Variants in FGF10 observed in about 807,000 individuals in gnomAD.
The protein encoded by FGF10 is fibroblast growth factor 10, also known as FGF-10.
A neutral mutation model predicts 19.8 loss-of-function variants in FGF10; 2 were observed. The ratio of observed to expected loss-of-function variants is 0.10; its 90% CI spans 0.04 to 0.32. The LOEUF (loss-of-function observed/expected upper bound fraction) is 0.32, where lower values mean the gene tolerates loss of function less well. FGF10 is among the 10% of genes least tolerant of loss of function. FGF10 has a pLI of 1.00. For synonymous variants in FGF10, 112 were observed against 94.0 expected (o/e 1.19, Z -1.10); for missense variants, 191 against 246.3 (o/e 0.78, Z 1.50).
rs1236620595 is a variant in FGF10, at chr5:44,341,451, AATAG to A, written c.326-30925_326-30922del. On this transcript the variant is annotated intron_variant, in intron 1 of 2. Transcript: ENST00000264664. Reference sequence around the variant, plus strand: ...TATTATTTTATATATTCAGATAGATAATAGATAGTCTGAGCTATTTCCATAATTC... The same window carrying A: ...TATTATTTTATATATTCAGATAGATAATAGTCTGAGCTATTTCCATAATTC... 5.3e-5 allele frequency among the ~76,000 whole-genome samples: 8 copies of A among 151,892 alleles called. No individual in the cohort carries two copies. The South Asian group carries it at 6.2e-4, about 12-fold the overall frequency.
At chr5:44,340,255 G>A (rs1740938950) in intron 1 of FGF10, among the ~76,000 whole-genome samples, 1 of 152,086 alleles carries the variant, frequency 6.6e-6, no homozygotes, top group South Asian at 2.1e-4. Context: ...ACTGAAAGTA[G>A]CCCAAAGAAT....
intron 1 of FGF10, among the ~76,000 whole-genome samples, chr5:44,368,049 C>T (rs1486377854): frequency 2.0e-5 from 3 of 151,842 alleles, no homozygotes; most frequent in East Asian, 1.9e-4. Flanking sequence ...TTAATAACAA[C>T]CTATTCCAAA....
At chr5:44,386,496 C>T (rs932912037) in intron 1 of FGF10, among the ~76,000 whole-genome samples, 1 of 152,062 alleles carries the variant, frequency 6.6e-6, no homozygotes, top group African/African-American at 2.4e-5. Context: ...AGCTTCTTCC[C>T]CATCCTGCTA....
intron 1 of FGF10, among the ~76,000 whole-genome samples, chr5:44,349,586 A>T (rs75774117): frequency 0.011 from 1,646 of 147,072 alleles, 23 homozygotes; most frequent in African/African-American, 0.039. Flanking sequence ...ACTAAGTTAG[A>T]TATGGCCAAA....
chr5:44,326,654 C>T (rs1448646913), intron 1 of FGF10, among the ~76,000 whole-genome samples: 2 of 151,958 alleles, frequency 1.3e-5, no homozygotes, highest in African/African-American at 4.8e-5. Context: ...AGCAATCCTC[C>T]CATCTCAGCC....
At chr5:44,328,393 C>A (rs549022964) in intron 1 of FGF10, among the ~76,000 whole-genome samples, 1 of 152,214 alleles carries the variant, frequency 6.6e-6, no homozygotes, top group South Asian at 2.1e-4. Context: ...TTCCCTTAAC[C>A]CTTACAATTA....
chr5:44,319,857 C>T (rs1740442241), intron 1 of FGF10, among the ~76,000 whole-genome samples: 1 of 152,166 alleles, frequency 6.6e-6, no homozygotes, highest in Non-Finnish European at 1.5e-5. Context: ...AACCACTGGG[C>T]CATGGACTGG....
chr5:44,353,396 T>A (rs1433059498), intron 1 of FGF10, among the ~76,000 whole-genome samples: 1 of 151,636 alleles, frequency 6.6e-6, no homozygotes, highest in Non-Finnish European at 1.5e-5. Context: ...CTAAATGTTA[T>A]GATTTATAGC....
At chr5:44,368,955 A>C (rs1051577341) in intron 1 of FGF10, among the ~76,000 whole-genome samples, 16 of 152,296 alleles carry the variant, frequency 1.1e-4, no homozygotes, top group African/African-American at 3.8e-4. Flanking sequence ...GGTATGGGCC[A>C]CTGCTTCCAG....
intron 1 of FGF10, among the ~76,000 whole-genome samples, chr5:44,339,467 G>T (rs1279737239): frequency 6.6e-6 from 1 of 152,128 alleles, no homozygotes; most frequent in Non-Finnish European, 1.5e-5. Context: ...GCGTTCTGTT[G>T]GGGATAAGAG....
chr5:44,376,509 A>AAAAAAAAAAAAAAAAAC, intron 1 of FGF10, among the ~76,000 whole-genome samples: 1 of 141,802 alleles, frequency 7.1e-6, no homozygotes, highest in African/African-American at 2.6e-5. Flanking sequence ...AAAAAAAAAA[A>AAAAAAAAAAAAAAAAAC]AAAAAAAACA....
At position 44,304,887 on chromosome 5, in the gene FGF10, C is replaced by T; in HGVS notation, c.*108G>A. 2 of 1,107,506 alleles carry T rather than the reference C, an allele frequency of 1.8e-6. No homozygotes were observed. The highest frequency in any genetic ancestry group is 2.0e-4 in the Middle Eastern group (1 of 5,084). The allele number at this position is 1,107,506 out of a possible 1,614,324, so 68.6% of individuals were successfully genotyped here. On this transcript the variant is annotated 3_prime_UTR_variant, in exon 3 of 3. Transcript: ENST00000264664. ...GCTGGCTTTCTTTTAAGCAAGCAGA[C>T]ATCTGCAACGTGTCTTTGCCTTTCA...
At chr5:44,320,977 C>A (rs1740472002) in intron 1 of FGF10, among the ~76,000 whole-genome samples, 1 of 151,880 alleles carries the variant, frequency 6.6e-6, no homozygotes, top group Non-Finnish European at 1.5e-5. Flanking sequence ...TCCCAAAGTG[C>A]CAGTCCATTT....
At chr5:44,378,721 C>T (rs1412656606) in intron 1 of FGF10, among the ~76,000 whole-genome samples, 1 of 152,178 alleles carries the variant, frequency 6.6e-6, no homozygotes, top group Non-Finnish European at 1.5e-5. Flanking sequence ...TCAGCCACTG[C>T]GCCTGGCCGA....
At chr5:44,348,480 G>A (rs1343310633) in intron 1 of FGF10, among the ~76,000 whole-genome samples, 1 of 151,370 alleles carries the variant, frequency 6.6e-6, no homozygotes, top group Non-Finnish European at 1.5e-5. Context: ...CACTAATTGT[G>A]CATATTTGTG....
At chr5:44,381,100 T>A (rs1345116745) in intron 1 of FGF10, among the ~76,000 whole-genome samples, 1 of 151,918 alleles carries the variant, frequency 6.6e-6, no homozygotes, top group Non-Finnish European at 1.5e-5. Flanking sequence ...GGAGCAAAAA[T>A]TTAACTTGGA....
At chr5:44,349,449 T>TCAG (rs1482766365) in intron 1 of FGF10, among the ~76,000 whole-genome samples, 1 of 15,786 alleles carries the variant, frequency 6.3e-5, no homozygotes, top group African/African-American at 1.8e-4. Flanking sequence ...TATATATATA[T>TCAG]ATATATATAT....
At chr5:44,330,393 C>A (rs1042365716) in intron 1 of FGF10, among the ~76,000 whole-genome samples, 6 of 152,138 alleles carry the variant, frequency 3.9e-5, no homozygotes, top group African/African-American at 1.2e-4. Context: ...GCAGTTCCAC[C>A]TTTCACCCTA....
chr5:44,349,812 T>C (rs1018754459), intron 1 of FGF10, among the ~76,000 whole-genome samples: 7 of 151,280 alleles, frequency 4.6e-5, no homozygotes, highest in South Asian at 2.1e-4. Flanking sequence ...TCATAGTCTT[T>C]GGATTCCTAC....
Sources: gnomAD v4.1 joint callset for allele counts (sites outside exome capture counted in the v4.1 genomes callset) on GRCh38, gnomAD v4.1.1 for gene constraint, MANE v1.5 for transcripts, NCBI Gene and HGNC (gene_info 2026-07-23, HGNC 2026-07-21) for gene names.